NUBPL: variants seen among roughly 807,000 people sequenced by gnomAD.
NUBPL encodes iron-sulfur cluster transfer protein NUBPL.
NUBPL carries 31 observed loss-of-function variants against 45.7 expected under a neutral mutation model. That is an observed-to-expected ratio of 0.68 (90% CI 0.51 to 0.92). The LOEUF (loss-of-function observed/expected upper bound fraction) is 0.92. NUBPL is among the 40% of genes least tolerant of loss of function. The pLI, the probability that NUBPL is intolerant of heterozygous loss-of-function variation, is 0.00. For missense variants in NUBPL, 401 were observed against 398.7 expected (o/e 1.01, Z -0.05); for synonymous variants, 144 against 140.9 (o/e 1.02, Z -0.15).
intron 4 of NUBPL, among the ~76,000 whole-genome samples, chr14:31,621,555 C>G (rs533841306): frequency 1.3e-5 from 2 of 152,278 alleles, no homozygotes; most frequent in East Asian, 3.9e-4. Flanking sequence ...ATCCCTTGAT[C>G]CCTTGTGCTT....
At chr14:31,663,678 C>T (rs2036330216) in intron 4 of NUBPL, among the ~76,000 whole-genome samples, 1 of 152,128 alleles carries the variant, frequency 6.6e-6, no homozygotes, top group South Asian at 2.1e-4. Context: ...AGCATGATGC[C>T]TCCAGCTTTG....
chr14:31,807,074 A>G (rs1352207032), intron 7 of NUBPL, among the ~76,000 whole-genome samples: 2 of 152,230 alleles, frequency 1.3e-5, no homozygotes, highest in African/African-American at 2.4e-5. Context: ...TAGTGCCACA[A>G]TAAACATATG....
chr14:31,562,313 T>G (rs115947884), intron 2 of NUBPL, 98 bp downstream of exon 2: 2 of 1,178,324 alleles, frequency 1.7e-6, no homozygotes, highest in Non-Finnish European at 2.4e-6. Context: ...AAAATTTATT[T>G]GTGAAGTTCC....
At chr14:31,831,468 T>TATACCATACCATACC (rs139348463) in intron 8 of NUBPL, among the ~76,000 whole-genome samples, 32,037 of 142,912 alleles carry the variant, frequency 0.22, 4,106 homozygotes, top group East Asian at 0.36. Flanking sequence ...TATACTGTAC[T>TATACCATACCATACC]ATACCATACC....
chr14:31,775,120 A>G (rs532576135), intron 6 of NUBPL, among the ~76,000 whole-genome samples: 62 of 152,300 alleles, frequency 4.1e-4, no homozygotes, highest in African/African-American at 1.4e-3. Context: ...AATGCATTCT[A>G]TTTGGATCCA....
At chr14:31,639,103 G>A (rs986249499) in intron 4 of NUBPL, among the ~76,000 whole-genome samples, 8 of 152,096 alleles carry the variant, frequency 5.3e-5, no homozygotes, top group South Asian at 2.1e-4. Context: ...GTCATTCTCC[G>A]TCCAGCTTTG....
chr14:31,760,111 A>G lies in NUBPL; in HGVS notation c.514-27669A>G, dbSNP rs567032686. Among the ~76,000 whole-genome samples, 3 of 81,874 alleles carry G rather than the reference A, an allele frequency of 3.7e-5. 1 individual carries two copies. The highest frequency in any genetic ancestry group is 1.5e-4 in the African/African-American group (3 of 19,824). The allele number at this position is 81,874 out of a possible 152,430, so 53.7% of individuals were successfully genotyped here. ...TGAACTCTATTACTTCTATTACTCT[A>G]TTACTTCTGACTTTAGTGTGTGTGT... On this transcript the variant is annotated intron_variant, in intron 6 of 10. Transcript: ENST00000281081.
At chr14:31,669,679 C>T (rs894113080) in intron 4 of NUBPL, among the ~76,000 whole-genome samples, 2 of 151,518 alleles carry the variant, frequency 1.3e-5, no homozygotes, top group African/African-American at 2.4e-5. Flanking sequence ...AAGTTCTTAT[C>T]ATTTAGTTCC....
chr14:31,610,623 A>AT (rs1555317253), intron 4 of NUBPL, among the ~76,000 whole-genome samples: 2 of 150,494 alleles, frequency 1.3e-5, no homozygotes, highest in Non-Finnish European at 3.0e-5. Flanking sequence ...AAAAAAAAAA[A>AT]AAAAAAAGAA....
chr14:31,728,831 T>TATTATCTAATTTTG (rs1464794458), intron 6 of NUBPL, among the ~76,000 whole-genome samples: 1 of 152,224 alleles, frequency 6.6e-6, no homozygotes, highest in South Asian at 2.1e-4. Context: ...AAGCCAAAGT[T>TATTATCTAATTTTG]ATTATCTAAT....
chr14:31,574,478 T>C (rs1056287216), intron 3 of NUBPL, among the ~76,000 whole-genome samples: 1 of 151,998 alleles, frequency 6.6e-6, no homozygotes, highest in Non-Finnish European at 1.5e-5. Context: ...TTTGCCAGGC[T>C]GGTCTTGAAC....
At chr14:31,630,042 C>G (rs1344767308) in intron 4 of NUBPL, among the ~76,000 whole-genome samples, 1 of 152,046 alleles carries the variant, frequency 6.6e-6, no homozygotes, top group African/African-American at 2.4e-5. Context: ...TAAAGGTGCT[C>G]CATAAATGTT....
At chr14:31,754,598 T>TC (rs2038610145) in intron 6 of NUBPL, among the ~76,000 whole-genome samples, 2 of 149,018 alleles carry the variant, frequency 1.3e-5, no homozygotes, top group Admixed American at 6.7e-5. Context: ...TTTCTTTTTT[T>TC]TTTTTTTTTT....
At chr14:31,829,558 G>T (rs757811808) in intron 8 of NUBPL, among the ~76,000 whole-genome samples, 11 of 152,074 alleles carry the variant, frequency 7.2e-5, no homozygotes, top group Non-Finnish European at 1.6e-4. Context: ...AATAGTAAAG[G>T]ATTTGAAATT....
intron 8 of NUBPL, among the ~76,000 whole-genome samples, chr14:31,836,126 A>G (rs747712171): frequency 5.1e-4 from 78 of 152,222 alleles, no homozygotes; most frequent in Non-Finnish European, 9.7e-4. Flanking sequence ...TCCAATATTC[A>G]GAGCGATGTT....
chr14:31,759,713 A>G (rs1244333800), intron 6 of NUBPL, among the ~76,000 whole-genome samples: 1 of 151,048 alleles, frequency 6.6e-6, no homozygotes, highest in Non-Finnish European at 1.5e-5. Flanking sequence ...TCTTGGGGTA[A>G]TGATATGTGG....
intron 6 of NUBPL, among the ~76,000 whole-genome samples, chr14:31,759,858 G>T (rs888036235): frequency 6.6e-6 from 1 of 151,132 alleles, no homozygotes; most frequent in South Asian, 2.1e-4. Context: ...TGTGTTAGAT[G>T]ATTTTGCACA....
Position 31,636,767 on chromosome 14 carries a change from A to C in NUBPL, c.383-36588A>C, listed in dbSNP as rs533372917. On this transcript the variant is annotated intron_variant, in intron 4 of 10. Coordinates refer to ENST00000281081, the MANE Select transcript of NUBPL (RefSeq NM_025152.3). ...CTATTGATTATTGCCACAATTTCAG[A>C]GCCTGTTATTGGTCTATTCAGAGAT... 4.2e-3 allele frequency among the ~76,000 whole-genome samples: 644 copies of C among 152,212 alleles called. 5 individuals are homozygous for C. The highest frequency in any genetic ancestry group is 7.8e-3 in the Admixed American group (120 of 15,290).
chr14:31,805,028 A>G (rs753195261), intron 7 of NUBPL, among the ~76,000 whole-genome samples: 2 of 152,096 alleles, frequency 1.3e-5, no homozygotes, highest in Non-Finnish European at 2.9e-5. Context: ...ATATTCACAA[A>G]CTATGCATCT....
Sources: allele counts gnomAD v4.1 joint callset (sites outside exome capture counted in the v4.1 genomes callset), GRCh38; gene constraint gnomAD v4.1.1; transcripts MANE v1.5; gene names NCBI Gene and HGNC (gene_info 2026-07-23, HGNC 2026-07-21).